DARS1: variants seen among roughly 807,000 people sequenced by gnomAD.
DARS1 encodes aspartyl-tRNA synthetase 1, also known as aspartate--tRNA ligase, cytoplasmic.
DARS1 carries 51 observed loss-of-function variants against 68.8 expected under a neutral mutation model. That is an observed-to-expected ratio of 0.74 (90% CI 0.59 to 0.94). The LOEUF is 0.94. DARS1 is among the 40% of genes least tolerant of loss of function. The pLI is 0.00. For missense variants in DARS1, 607 were observed against 597.3 expected (o/e 1.02, Z -0.17); for synonymous variants, 203 against 190.4 (o/e 1.07, Z -0.55).
At chr2:135,977,749 G>C (rs1682532605) in intron 3 of DARS1, among the ~76,000 whole-genome samples, 1 of 152,146 alleles carries the variant, frequency 6.6e-6, no homozygotes, top group Non-Finnish European at 1.5e-5. Flanking sequence ...TCTTAACAAT[G>C]GTGGCCCTAA....
chr2:135,925,783 A>G (rs1681200561), intron 7 of DARS1, among the ~76,000 whole-genome samples: 1 of 152,228 alleles, frequency 6.6e-6, no homozygotes, highest in South Asian at 2.1e-4. Context: ...GGTTCATCCA[A>G]TCAAAACAAA....
chr2:135,917,103 G>A (rs1023229235), intron 10 of DARS1, among the ~76,000 whole-genome samples: 2 of 152,138 alleles, frequency 1.3e-5, no homozygotes, highest in Non-Finnish European at 2.9e-5. Context: ...GAAGGCTGCA[G>A]CGAGCCAAGA....
Position 135,907,261 on chromosome 2 carries a change from T to TTTTTTTTTTTTTTTTTGGG in DARS1, c.*54_*55insCCCAAAAAAAAAAAAAAAA. On this transcript the variant is annotated 3_prime_UTR_variant, in exon 16 of 16. Coordinates refer to ENST00000264161, the MANE Select transcript of DARS1 (RefSeq NM_001349.4). ...GGCTTTCTTTTTTTTTTTTTTTTTT[T>TTTTTTTTTTTTTTTTTGGG]GAGGCAGGGTCTCGCTCTGTCATCC... 3.4e-6 allele frequency: 3 copies of TTTTTTTTTTTTTTTTTGGG among 889,236 alleles called. No individual in the cohort carries two copies. The highest frequency in any genetic ancestry group is 3.3e-6 in the Non-Finnish European group (2 of 601,876). 55.1% of individuals were successfully genotyped at this position (889,236 alleles called of 1,614,324 possible).
At chr2:135,956,981 T>TG (rs780273125) in intron 4 of DARS1, among the ~76,000 whole-genome samples, 5 of 152,018 alleles carry the variant, frequency 3.3e-5, no homozygotes, top group Non-Finnish European at 5.9e-5. Flanking sequence ...GCCAGGTTGG[T>TG]CTTGAACTCC....
At chr2:135,922,749 T>C (rs1468745667) in intron 9 of DARS1, 35 bp downstream of exon 9, 3 of 1,503,234 alleles carry the variant, frequency 2.0e-6, no homozygotes, top group Non-Finnish European at 2.6e-6. Flanking sequence ...GTATAATTAA[T>C]TAACTTGGAT....
intron 5 of DARS1, 93 bp from the exon 6 acceptor site, chr2:135,934,083 C>T (rs1681414067): frequency 1.3e-6 from 2 of 1,501,790 alleles, no homozygotes; most frequent in Admixed American, 2.1e-5. Context: ...AAGCATGAAG[C>T]AATGTTTGCA....
chr2:135,961,318 T>C, intron 4 of DARS1, 78 bp downstream of exon 4: 2 of 782,196 alleles, frequency 2.6e-6, no homozygotes, highest in South Asian at 2.9e-5. Context: ...TGTTAATGTA[T>C]GAAAATGGTC....
chr2:135,923,532 C>T (rs1218237930), intron 8 of DARS1, among the ~76,000 whole-genome samples: 1 of 152,132 alleles, frequency 6.6e-6, no homozygotes, highest in Non-Finnish European at 1.5e-5. Context: ...TCGTGATCCA[C>T]CCACCTCGGC....
At chr2:135,930,902 C>A (rs1003481544) in intron 7 of DARS1, among the ~76,000 whole-genome samples, 1 of 152,126 alleles carries the variant, frequency 6.6e-6, no homozygotes, top group Non-Finnish European at 1.5e-5. Flanking sequence ...ATTTGCCGTG[C>A]CAATCTGGAA....
At chr2:135,953,264 C>CA (rs1681883510) in intron 4 of DARS1, among the ~76,000 whole-genome samples, 1 of 152,194 alleles carries the variant, frequency 6.6e-6, no homozygotes, top group Admixed American at 6.5e-5. Flanking sequence ...TTAGTTGGTA[C>CA]AAGTGTCTAA....
At chr2:135,919,117 G>A (rs1252627856) in intron 10 of DARS1, among the ~76,000 whole-genome samples, 3 of 152,180 alleles carry the variant, frequency 2.0e-5, no homozygotes, top group Admixed American at 1.3e-4. Context: ...TGCAACCTCC[G>A]CCTCCTAGGT....
Position 135,911,402 on chromosome 2 carries a change from CTCTCTGTTA to C in DARS1, c.1313_1321del (p.Leu438_Glu440del), listed in dbSNP as rs1465981319. ...TTTACCAATTCCATGATGTAAAGCT[CTCTCTGTTA>C]GCAGTTGAGGATCATGTATTCTTTG... On this transcript the variant is annotated inframe_deletion, in exon 14 of 16. Transcript: ENST00000264161. 1.0e-6 allele frequency: 1 copy of C among 981,742 alleles called. No individual in the cohort carries two copies. The highest frequency in any genetic ancestry group is 1.6e-5 in the African/African-American group (1 of 63,318). The allele number at this position is 981,742 out of a possible 1,614,324, so 60.8% of individuals were successfully genotyped here.
chr2:135,985,216 A>G, intron 1 of DARS1, 187 bp downstream of exon 1: 1 of 942,688 alleles, frequency 1.1e-6, no homozygotes, highest in Non-Finnish European at 1.5e-6. Context: ...CCCCGCAAGA[A>G]ACGCGGTCCG....
intron 3 of DARS1, among the ~76,000 whole-genome samples, chr2:135,977,264 T>C (rs1207266504): frequency 1.3e-5 from 2 of 152,186 alleles, no homozygotes; most frequent in African/African-American, 4.8e-5. Flanking sequence ...ACACTGAGGA[T>C]TGGAAAGGTT....
intron 4 of DARS1, among the ~76,000 whole-genome samples, chr2:135,944,575 T>TA (rs528997555): frequency 0.024 from 3,517 of 147,388 alleles, 98 homozygotes; most frequent in African/African-American, 0.068. Context: ...CCAACTAACT[T>TA]AAAAAAAAAA....
At chr2:135,915,367 C>G (rs1680982774) in intron 11 of DARS1, among the ~76,000 whole-genome samples, 1 of 152,144 alleles carries the variant, frequency 6.6e-6, no homozygotes, top group African/African-American at 2.4e-5. Context: ...GTTACTACAG[C>G]CTTGATACTC....
chr2:135,923,509 C>T (rs1051259284), intron 8 of DARS1, among the ~76,000 whole-genome samples: 10 of 152,106 alleles, frequency 6.6e-5, no homozygotes, highest in Non-Finnish European at 1.2e-4. Flanking sequence ...AGGCTGGTCT[C>T]GAACTCCTGA....
chr2:135,913,282 T>C (rs375783645), intron 12 of DARS1, among the ~76,000 whole-genome samples: 1 of 152,138 alleles, frequency 6.6e-6, no homozygotes, highest in African/African-American at 2.4e-5. Flanking sequence ...ATATCCATCA[T>C]TGAAAAACAT....
chr2:135,961,604 C>A, intron 3 of DARS1, 106 bp from the exon 4 acceptor site: 1 of 714,604 alleles, frequency 1.4e-6, no homozygotes, highest in Non-Finnish European at 2.5e-6. Flanking sequence ...ATTTACTATA[C>A]TCATCAGGCA....
Sources: gnomAD v4.1 joint callset for allele counts (sites outside exome capture counted in the v4.1 genomes callset) on GRCh38, gnomAD v4.1.1 for gene constraint, MANE v1.5 for transcripts, NCBI Gene and HGNC (gene_info 2026-07-23, HGNC 2026-07-21) for gene names.